SSMEM1: variants seen among roughly 807,000 people sequenced by gnomAD.
SSMEM1 encodes the protein serine rich single-pass membrane protein 1.
Under a neutral mutation model 9.9 loss-of-function variants are expected in SSMEM1, and 12 were observed. The ratio of observed to expected loss-of-function variants is 1.21; its 90% CI spans 0.78 to 1.96. The LOEUF (loss-of-function observed/expected upper bound fraction) is 1.96, where lower values mean the gene tolerates loss of function less well. Among genes scored for constraint, SSMEM1 ranks in the 30% most tolerant of loss-of-function variants. The pLI is 0.00. For missense variants in SSMEM1, 259 were observed against 292.2 expected, an observed-to-expected ratio of 0.89 and a Z score of 0.83; for synonymous variants, 96 against 98.9, an observed-to-expected ratio of 0.97 and a Z score of 0.17.
At chr7:130,213,710 A>AAAAAAAAAAAAG (rs1562906803) in intron 2 of SSMEM1, among the ~76,000 whole-genome samples, 176 bp downstream of exon 2, 16 of 119,286 alleles carry the variant, frequency 1.3e-4, no homozygotes, top group Non-Finnish European at 2.0e-4. Context: ...AAAAAAAAAA[A>AAAAAAAAAAAAG]AAAAGAAAAG....
chr7:130,206,368 A>G (rs1003566153), upstream of SSMEM1, among the ~76,000 whole-genome samples: 1 of 152,210 alleles, frequency 6.6e-6, no homozygotes, highest in Non-Finnish European at 1.5e-5. Context: ...ATGACGCGTT[A>G]GAGTCCACAG....
intron 2 of SSMEM1, among the ~76,000 whole-genome samples, chr7:130,215,243 G>T (rs1798681521): frequency 6.6e-6 from 1 of 152,172 alleles, no homozygotes; most frequent in African/African-American, 2.4e-5. Context: ...GACAGACATT[G>T]CAGTGAGCCG....
chr7:130,209,713 G>C (rs1798556822), intron 1 of SSMEM1, among the ~76,000 whole-genome samples: 1 of 152,212 alleles, frequency 6.6e-6, no homozygotes, highest in African/African-American at 2.4e-5. Context: ...CTGAGTAGCT[G>C]GGATTATAGG....
chr7:130,205,959 C>G (rs1260402607), upstream of SSMEM1, among the ~76,000 whole-genome samples: 1 of 152,148 alleles, frequency 6.6e-6, no homozygotes, highest in Non-Finnish European at 1.5e-5. Flanking sequence ...CCTCCCACCG[C>G]CTTTTGGGAT....
intron 1 of SSMEM1, 64 bp downstream of exon 1, chr7:130,208,157 A>C: frequency 7.1e-7 from 1 of 1,414,486 alleles, no homozygotes; most frequent in Non-Finnish European, 9.5e-7. Flanking sequence ...TTTCCATAAA[A>C]TACATTTACT....
Position 130,216,139 on chromosome 7 carries a change from T to TC in SSMEM1, c.405dup (p.Asn136GlnfsTer2), listed in dbSNP as rs1198453082. On this transcript the variant is annotated frameshift_variant, in exon 3 of 3. Coordinates refer to ENST00000297819, the MANE Select transcript of SSMEM1 (RefSeq NM_145268.4). LOFTEE classifies it low-confidence loss of function (END_TRUNC). ...AGACGAGCCAGGCGCCAGTCTCAGT[T>TC]CAATGAGGTGAACCAGAACCAACAT... is the stretch of plus-strand genomic sequence containing the variant. The TC allele has an allele frequency of 6.2e-7, 1 of 1,614,016 alleles. No individual in the cohort carries two copies. Among genetic ancestry groups the TC allele is most frequent in the East Asian group, 2.2e-5 (1 of 44,896 alleles).
intron 1 of SSMEM1, among the ~76,000 whole-genome samples, chr7:130,209,275 C>G (rs1331129637): frequency 2.0e-5 from 3 of 152,172 alleles, no homozygotes; most frequent in Non-Finnish European, 4.4e-5. Flanking sequence ...CCTGGGCTGG[C>G]AGTGGTAAGA....
At position 130,216,625 on chromosome 7, in the gene SSMEM1, A is replaced by G; in HGVS notation, c.*155A>G. 1 of 937,020 alleles carries G rather than the reference A, an allele frequency of 1.1e-6. No homozygotes were observed. Among genetic ancestry groups the G allele is most frequent in the Non-Finnish European group, 1.6e-6 (1 of 644,382 alleles). 58.0% of individuals were successfully genotyped at this position (937,020 alleles called of 1,614,324 possible). A position where few individuals can be genotyped will look rare whatever the true frequency, so the allele number is the denominator to read the frequency against. ...GAACCCAAGAGGTAAAATCTCACAC[A>G]ATTCTTCGTTCAAAAAAAAAAAGGC... On this transcript the variant is annotated 3_prime_UTR_variant, in exon 3 of 3. Transcript: ENST00000297819.
chr7:130,214,460 A>G (rs1056008394), intron 2 of SSMEM1, among the ~76,000 whole-genome samples: 1 of 152,026 alleles, frequency 6.6e-6, no homozygotes, highest in Admixed American at 6.6e-5. Flanking sequence ...TATATATCAC[A>G]CCATTTAAAA....
At chr7:130,213,249 G>A (rs907252360) in intron 1 of SSMEM1, among the ~76,000 whole-genome samples, 22 of 152,048 alleles carry the variant, frequency 1.4e-4, no homozygotes, top group Admixed American at 2.0e-4. Flanking sequence ...TTGGGAGGCC[G>A]AGGCAGGAGA....
chr7:130,215,847 T>C, intron 2 of SSMEM1, 127 bp from the exon 3 acceptor site: 1 of 1,276,522 alleles, frequency 7.8e-7, no homozygotes, highest in Non-Finnish European at 1.1e-6. Context: ...TGCAGGTGAC[T>C]GGAGAAAAGC....
At chr7:130,207,747 A>G (rs1223486973), upstream of SSMEM1, 1 of 765,520 alleles carries the variant, frequency 1.3e-6, no homozygotes, top group Non-Finnish European at 2.3e-6. Context: ...ACCTTCCACA[A>G]ACTTAGAAGT....
chr7:130,205,559 G>C, upstream of SSMEM1: 1 of 879,696 alleles, frequency 1.1e-6, no homozygotes, highest in Admixed American at 2.2e-5. Flanking sequence ...AACAGGTCTC[G>C]GTTTTGCGGC....
At chr7:130,213,312 C>T (rs1798629218) in intron 1 of SSMEM1, among the ~76,000 whole-genome samples, 168 bp from the exon 2 acceptor site, 3 of 151,964 alleles carry the variant, frequency 2.0e-5, no homozygotes, top group African/African-American at 7.3e-5. Context: ...CATGCCACTG[C>T]ACTCCAGCCT....
chr7:130,213,366 TA>T (rs1041864632), intron 1 of SSMEM1, 113 bp from the exon 2 acceptor site: 15 of 718,206 alleles, frequency 2.1e-5, no homozygotes, highest in African/African-American at 1.3e-4. Context: ...AATAAAATAA[TA>T]AAAAAATAAA....
chr7:130,208,000 G>A lies in SSMEM1; in HGVS notation c.90G>A (p.Trp30Ter), dbSNP rs1475269393. 1.2e-6 allele frequency: 2 copies of A among 1,614,044 alleles called. No individual in the cohort carries two copies. Among genetic ancestry groups the A allele is most frequent in the South Asian group, 1.1e-5 (1 of 91,072 alleles). Residue 30 changes from tryptophan (W) to a stop codon, truncating the protein, a stop_gained, in exon 1 of 3, where the codon TGG becomes TGA. Coordinates refer to ENST00000297819, the MANE Select transcript of SSMEM1 (RefSeq NM_145268.4). LOFTEE classifies it high-confidence loss of function. Reference protein sequence around the residue: ...CAIPNQDYECWKDDSCGTIGS... With the variant: ...CAIPNQDYEC Reference sequence around the variant, plus strand: ...TTCCAAATCAGGATTATGAATGCTGGAAGGATGACTCTTGTGGAACCATAG... The same window carrying A: ...TTCCAAATCAGGATTATGAATGCTGAAAGGATGACTCTTGTGGAACCATAG...
At chr7:130,209,502 A>C (rs1240041622) in intron 1 of SSMEM1, among the ~76,000 whole-genome samples, 1 of 152,222 alleles carries the variant, frequency 6.6e-6, no homozygotes, top group Non-Finnish European at 1.5e-5. Context: ...AAGTATATTG[A>C]ATTTGGCCTG....
At chr7:130,213,394 G>A (rs1798631877) in intron 1 of SSMEM1, 86 bp from the exon 2 acceptor site, 2 of 940,916 alleles carry the variant, frequency 2.1e-6, no homozygotes, top group African/African-American at 1.7e-5. Context: ...CATTATAAAT[G>A]GGCCTCAGCA....
chr7:130,205,523 C>T (rs1423906987), upstream of SSMEM1: 2 of 1,306,024 alleles, frequency 1.5e-6, no homozygotes, highest in Non-Finnish European at 1.1e-6. Context: ...GGTCGCAGGC[C>T]CAGGCGCTCG....
Sources: allele counts gnomAD v4.1 joint callset (sites outside exome capture counted in the v4.1 genomes callset), GRCh38; gene constraint gnomAD v4.1.1; transcripts MANE v1.5; gene names NCBI Gene and HGNC (gene_info 2026-07-23, HGNC 2026-07-21).